Variants in MYO5C observed in about 807,000 individuals in gnomAD.
The protein encoded by MYO5C is unconventional myosin-Vc.
A neutral mutation model predicts 235.7 loss-of-function variants in MYO5C; 194 were observed. The observed-to-expected ratio is 0.82, with a 90% CI of 0.73 to 0.93. MYO5C has a LOEUF of 0.93. Among genes scored for constraint, MYO5C ranks in the 40% least tolerant of loss-of-function variants. MYO5C has a pLI of 0.00. For synonymous variants in MYO5C, 707 were observed against 754.8 expected, an observed-to-expected ratio of 0.94 and a Z score of 1.04; for missense variants, 2,038 against 2,127.2, an observed-to-expected ratio of 0.96 and a Z score of 0.82.
At chr15:52,239,246 C>A (rs528223395) in intron 21 of MYO5C, among the ~76,000 whole-genome samples, 5 of 152,226 alleles carry the variant, frequency 3.3e-5, no homozygotes, top group African/African-American at 4.8e-5. Context: ...CCACCACGCC[C>A]GGCCTTGGAT....
chr15:52,286,150 C>T (rs1428394251), intron 1 of MYO5C, among the ~76,000 whole-genome samples: 10 of 150,790 alleles, frequency 6.6e-5, no homozygotes, highest in African/African-American at 1.7e-4. Flanking sequence ...GGAGTCCCTC[C>T]GCCCGGCAGC....
rs764837998 is a variant in MYO5C, at chr15:52,224,913, T to G, written c.3434A>C (p.Lys1145Thr). Residue 1145 changes from lysine to threonine, a missense_variant, in exon 28 of 41, where the codon AAG (lysine) becomes ACG (threonine). Lys to Thr is a moderately conservative substitution (Grantham distance 78). Transcript: ENST00000261839. ...GELWFAYEGL[K>T]KATRVLESHF... Reference sequence around the variant, plus strand: ...GAGAATTTCTAACCGTGTTGCTTTCTTTAGTCCTTCATAAGCAAACCAAAG... The same window carrying G: ...GAGAATTTCTAACCGTGTTGCTTTCGTTAGTCCTTCATAAGCAAACCAAAG... 3 of 1,613,510 alleles carry G rather than the reference T, an allele frequency of 1.9e-6. No homozygotes were observed. Among genetic ancestry groups the G allele is most frequent in the Non-Finnish European group, 2.5e-6 (3 of 1,179,674 alleles).
intron 11 of MYO5C, 52 bp downstream of exon 11, chr15:52,256,587 A>ACACACACACGCGCGCGCGCACGCG: frequency 3.5e-6 from 2 of 567,790 alleles, no homozygotes; most frequent in African/African-American, 2.0e-5. Flanking sequence ...ACACACACAC[A>ACACACACACGCGCGCGCGCACGCG]CGCGCGCGCG....
chr15:52,281,634 C>G (rs904200167), intron 2 of MYO5C, among the ~76,000 whole-genome samples: 1 of 152,234 alleles, frequency 6.6e-6, no homozygotes, highest in African/African-American at 2.4e-5. Flanking sequence ...TGGGACGGTG[C>G]ACAGTCATTA....
In MYO5C at chr15:52,242,009, C is replaced by T. The variant is rs367847218; in HGVS notation, c.2556+39G>A. On this transcript the variant is annotated intron_variant, in intron 20 of 40. Transcript: ENST00000261839. ...TGTTTTGTTCTCAGTAAGGAAGGCC[C>T]GTACACCCTCCCTTCCTCTAGACAG... is the stretch of plus-strand genomic sequence containing the variant. The T allele has an allele frequency of 3.2e-5, 50 of 1,572,676 alleles. No homozygotes were observed. The Admixed American group carries it at 4.2e-4, about 13-fold the overall frequency.
chr15:52,219,121 CT>C (rs1338747114), intron 31 of MYO5C, among the ~76,000 whole-genome samples: 1 of 152,214 alleles, frequency 6.6e-6, no homozygotes, highest in Non-Finnish European at 1.5e-5. Flanking sequence ...TTTTCCACTA[CT>C]TTGGGTCCTC....
At chr15:52,237,926 G>C (rs4776023) in intron 21 of MYO5C, among the ~76,000 whole-genome samples, 114,166 of 150,216 alleles carry the variant, frequency 0.76, 46,694 homozygotes, top group Non-Finnish European at 0.93. Context: ...TGTGCCCCCC[G>C]CCAAAATTCA....
Position 52,217,465 on chromosome 15 carries a change from C to T in MYO5C, c.3954+1054G>A, listed in dbSNP as rs74015634. On this transcript the variant is annotated intron_variant, in intron 32 of 40. Coordinates refer to ENST00000261839, the MANE Select transcript of MYO5C (RefSeq NM_018728.4). Reference sequence around the variant, plus strand: ...CCCACCCATGTAGCTTCTCCCTGACCGCTGACTCCATTGAGATCCCAGGGG... The same window carrying T: ...CCCACCCATGTAGCTTCTCCCTGACTGCTGACTCCATTGAGATCCCAGGGG... Among the ~76,000 whole-genome samples, 1,167 of 152,264 alleles carry T rather than the reference C, an allele frequency of 7.7e-3. 13 individuals carry two copies. The highest frequency in any genetic ancestry group is 0.027 in the African/African-American group (1,129 of 41,562).
chr15:52,271,031 T>C (rs918695676), intron 7 of MYO5C, among the ~76,000 whole-genome samples: 5 of 152,178 alleles, frequency 3.3e-5, no homozygotes, highest in Admixed American at 3.3e-4. Context: ...CTCTGGAATA[T>C]AATTAATTAT....
At chr15:52,194,774 A>G (rs1269681233) in intron 40 of MYO5C, among the ~76,000 whole-genome samples, 1 of 151,586 alleles carries the variant, frequency 6.6e-6, no homozygotes, top group Non-Finnish European at 1.5e-5. Context: ...TATACGATAT[A>G]TCATATATAT....
chr15:52,253,852 C>A (rs534127129), intron 11 of MYO5C, among the ~76,000 whole-genome samples: 1 of 152,196 alleles, frequency 6.6e-6, no homozygotes, highest in Admixed American at 6.5e-5. Context: ...GCTGCGGGGC[C>A]GGTGGGAGAA....
chr15:52,192,876 G>A lies in MYO5C; in HGVS notation c.*1026C>T, dbSNP rs1183873149. 6.6e-6 allele frequency: 1 copy of A among 151,876 alleles called. No homozygotes were observed. Among genetic ancestry groups the A allele is most frequent in the Non-Finnish European group, 1.5e-5 (1 of 67,986 alleles). The allele number at this position is 151,876 out of a possible 1,614,324, so 9.4% of individuals were successfully genotyped here. ...AGGTATTAAAAAATAAAAAAATTATGGTGAATATGTTGGCAGGTAAGATTT... is the reference window on the plus strand; with the variant it reads ...AGGTATTAAAAAATAAAAAAATTATAGTGAATATGTTGGCAGGTAAGATTT... On this transcript the variant is annotated 3_prime_UTR_variant, in exon 41 of 41. Coordinates refer to ENST00000261839, the MANE Select transcript of MYO5C (RefSeq NM_018728.4).
At chr15:52,254,226 G>A (rs527687738) in intron 11 of MYO5C, among the ~76,000 whole-genome samples, 124 of 152,300 alleles carry the variant, frequency 8.1e-4, no homozygotes, top group African/African-American at 2.8e-3. Context: ...GTGAGGACCC[G>A]CTGGAGGGCG....
At chr15:52,226,422 T>C (rs544359689) in intron 25 of MYO5C, among the ~76,000 whole-genome samples, 1 of 152,250 alleles carries the variant, frequency 6.6e-6, no homozygotes, top group South Asian at 2.1e-4. Context: ...TCTGTGCTTT[T>C]GCTTTGTATC....
chr15:52,229,605 CA>C (rs1205927142), intron 24 of MYO5C, among the ~76,000 whole-genome samples: 4 of 152,178 alleles, frequency 2.6e-5, no homozygotes, highest in Admixed American at 2.0e-4. Flanking sequence ...ATCTGGGTGA[CA>C]GAGTGAGACC....
chr15:52,262,451 A>G (rs1050249802), intron 9 of MYO5C, among the ~76,000 whole-genome samples: 1 of 152,168 alleles, frequency 6.6e-6, no homozygotes, highest in African/African-American at 2.4e-5. Context: ...TGGGGAAAAA[A>G]GGGCAGAAGC....
In MYO5C at chr15:52,286,972, AAAACTAACAAAC is replaced by A. The variant is rs1344569558; in HGVS notation, c.28-4092_28-4081del. Among the ~76,000 whole-genome samples, 33 of 110,748 alleles carry A rather than the reference AAAACTAACAAAC, an allele frequency of 3.0e-4. No homozygotes were observed. In the East Asian group the frequency reaches 6.2e-3, roughly 21 times the overall value. The allele number at this position is 110,748 out of a possible 152,430, so 72.7% of individuals were successfully genotyped here. A position where few individuals can be genotyped will look rare whatever the true frequency, so the allele number is the denominator to read the frequency against. ...AAAGAAAAAAGAAAAAAAAAAAAGA[AAAACTAACAAAC>A]AAACAAACAAACAAACAAAGTTCAC... On this transcript the variant is annotated intron_variant, in intron 1 of 40. Coordinates refer to ENST00000261839, the MANE Select transcript of MYO5C (RefSeq NM_018728.4).
intron 32 of MYO5C, 32 bp downstream of exon 32, chr15:52,218,487 A>C (rs755992756): frequency 1.2e-6 from 2 of 1,608,308 alleles, no homozygotes; most frequent in Middle Eastern, 1.7e-4. Flanking sequence ...GCACACAGAC[A>C]GTCTTTATCA....
At chr15:52,283,012 T>C (rs1484701827) in intron 1 of MYO5C, 120 bp from the exon 2 acceptor site, 15 of 688,700 alleles carry the variant, frequency 2.2e-5, no homozygotes, top group Non-Finnish European at 3.7e-5. Context: ...GAGGAATACG[T>C]CTACCTAATT....
Sources: gnomAD v4.1 joint callset for allele counts (sites outside exome capture counted in the v4.1 genomes callset) on GRCh38, gnomAD v4.1.1 for gene constraint, MANE v1.5 for transcripts, NCBI Gene and HGNC (gene_info 2026-07-23, HGNC 2026-07-21) for gene names.